Variants in ROBO1 observed in about 807,000 individuals in gnomAD.
ROBO1 encodes roundabout homolog 1.
In ROBO1, 149 loss-of-function variants were observed where a neutral mutation model predicts 195.9. The ratio of observed to expected loss-of-function variants is 0.76; its 90% CI spans 0.67 to 0.87. The LOEUF (loss-of-function observed/expected upper bound fraction) is 0.87, where lower values mean the gene tolerates loss of function less well. ROBO1 is among the 40% of genes least tolerant of loss of function. The probability of loss-of-function intolerance (pLI) is 0.00; values close to 1 mark genes in which losing one functional copy is unlikely to be tolerated. For synonymous variants in ROBO1, 816 were observed against 733.2 expected, an observed-to-expected ratio of 1.11 and a Z score of -1.82; for missense variants, 1,933 against 2,068.3, an observed-to-expected ratio of 0.93 and a Z score of 1.27.
rs566654036 is a variant in ROBO1, at chr3:79,336,182, C to A, written c.89-210643G>T. ...TTTTCTGGGGAGAAATTCAAGCCCA[C>A]TGCAGAAATTTGCATAAGTAATGAG... is the stretch of plus-strand genomic sequence containing the variant. On this transcript the variant is annotated intron_variant, in intron 2 of 30. Coordinates refer to ENST00000464233, the MANE Select transcript of ROBO1 (RefSeq NM_002941.4). 1.4e-3 allele frequency among the ~76,000 whole-genome samples: 211 copies of A among 152,338 alleles called. 1 individual carries two copies. The highest frequency in any genetic ancestry group is 4.9e-3 in the African/African-American group (203 of 41,570).
chr3:79,092,847 G>A (rs1360877939), intron 3 of ROBO1, among the ~76,000 whole-genome samples: 1 of 151,970 alleles, frequency 6.6e-6, no homozygotes, highest in Non-Finnish European at 1.5e-5. Context: ...TATCTGACCA[G>A]ATTATCTTAT....
intron 7 of ROBO1, among the ~76,000 whole-genome samples, chr3:78,715,695 C>G (rs2081885749): frequency 6.6e-6 from 1 of 152,072 alleles, no homozygotes; most frequent in South Asian, 2.1e-4. Flanking sequence ...TGCCACCATG[C>G]CCGGCTAATT....
At chr3:79,525,675 G>T (rs566680896) in intron 2 of ROBO1, among the ~76,000 whole-genome samples, 1 of 147,664 alleles carries the variant, frequency 6.8e-6, no homozygotes, top group African/African-American at 2.5e-5. Flanking sequence ...GTGTGATCTC[G>T]GCTCACTGCA....
At chr3:79,481,757 A>T (rs190400077) in intron 2 of ROBO1, among the ~76,000 whole-genome samples, 1 of 152,296 alleles carries the variant, frequency 6.6e-6, no homozygotes, top group East Asian at 1.9e-4. Context: ...TTTTAATCTT[A>T]GAGAAGCTGA....
chr3:79,333,075 C>T (rs1347712092), intron 2 of ROBO1, among the ~76,000 whole-genome samples: 3 of 151,770 alleles, frequency 2.0e-5, no homozygotes, highest in Admixed American at 1.3e-4. Flanking sequence ...GGGTAGCATG[C>T]GCCTGTAGTC....
chr3:79,133,113 A>G (rs1336135825), intron 2 of ROBO1, among the ~76,000 whole-genome samples: 5 of 1,774 alleles, frequency 2.8e-3, no homozygotes, highest in African/African-American at 0.01. Flanking sequence ...GGCTGCCCTT[A>G]ACATTTTTTC....
chr3:79,143,184 C>T (rs1479548256), intron 2 of ROBO1, among the ~76,000 whole-genome samples: 1 of 151,932 alleles, frequency 6.6e-6, no homozygotes, highest in Non-Finnish European at 1.5e-5. Flanking sequence ...AATGTTAAAC[C>T]TTTATTTTTG....
At chr3:78,622,714 TTC>T (rs1259100007) in intron 26 of ROBO1, among the ~76,000 whole-genome samples, 1 of 152,198 alleles carries the variant, frequency 6.6e-6, no homozygotes, top group Non-Finnish European at 1.5e-5. Context: ...TATGCACCAG[TTC>T]TAAATGTTAA....
At chr3:79,295,224 T>C (rs942422366) in intron 2 of ROBO1, among the ~76,000 whole-genome samples, 2 of 151,898 alleles carry the variant, frequency 1.3e-5, no homozygotes, top group African/African-American at 4.8e-5. Flanking sequence ...ATAGATTGGG[T>C]AAAGAAAATG....
chr3:79,011,237 C>T (rs1049547532), intron 3 of ROBO1, among the ~76,000 whole-genome samples: 1 of 152,064 alleles, frequency 6.6e-6, no homozygotes, highest in Non-Finnish European at 1.5e-5. Context: ...TTCAATAAAG[C>T]CTAAGTATAC....
At chr3:79,466,566 G>C (rs1050730275) in intron 2 of ROBO1, among the ~76,000 whole-genome samples, 1 of 151,944 alleles carries the variant, frequency 6.6e-6, no homozygotes, top group African/African-American at 2.4e-5. Context: ...TAAATCTAGA[G>C]GCAAGGAGCC....
At chr3:78,952,171 A>T (rs1355216498) in intron 3 of ROBO1, among the ~76,000 whole-genome samples, 1 of 151,410 alleles carries the variant, frequency 6.6e-6, no homozygotes, top group Non-Finnish European at 1.5e-5. Flanking sequence ...ACCTAAAATG[A>T]TTAAAGTATC....
intron 2 of ROBO1, among the ~76,000 whole-genome samples, chr3:79,588,444 G>A (rs1253267226): frequency 6.6e-6 from 1 of 151,510 alleles, no homozygotes; most frequent in Non-Finnish European, 1.5e-5. Context: ...TAAATTTGTT[G>A]ACCTGTAGGA....
intron 2 of ROBO1, among the ~76,000 whole-genome samples, chr3:79,290,337 C>G (rs1308540600): frequency 6.6e-6 from 1 of 151,876 alleles, no homozygotes; most frequent in Non-Finnish European, 1.5e-5. Context: ...TGGCCTACCT[C>G]CTTTTCATAT....
At chr3:78,949,749 C>T (rs1380395982) in intron 3 of ROBO1, among the ~76,000 whole-genome samples, 15 of 152,094 alleles carry the variant, frequency 9.9e-5, no homozygotes, top group Middle Eastern at 3.4e-3. Context: ...AGAAAATTTT[C>T]GCAACCTACT....
rs189719866 is a variant in ROBO1, at chr3:78,974,286, C to G, written c.173-35359G>C. ...AACAATGTCAAAGAGGGAGAGAGAA[C>G]GAAAGGGAAATTCCAGTGATTCAGA... On this transcript the variant is annotated intron_variant, in intron 3 of 30. Transcript: ENST00000464233. Among the ~76,000 whole-genome samples the G allele has an allele frequency of 7.0e-4, 105 of 150,294 alleles. 1 individual carries two copies. The highest frequency in any genetic ancestry group is 2.3e-3 in the African/African-American group (93 of 40,848).
chr3:78,825,660 G>A (rs138274727), intron 4 of ROBO1, among the ~76,000 whole-genome samples: 26 of 152,228 alleles, frequency 1.7e-4, no homozygotes, highest in East Asian at 7.7e-4. Context: ...GGCATAAGAC[G>A]TTTAACAGAA....
chr3:78,938,643 G>A lies in ROBO1; in HGVS notation c.457C>T (p.Leu153Phe), dbSNP rs2039952213. 1 of 1,613,714 alleles carries A rather than the reference G, an allele frequency of 6.2e-7. No homozygotes were observed. Among genetic ancestry groups the A allele is most frequent in the South Asian group, 1.1e-5 (1 of 91,068 alleles). ...GCATTGTGGCTCACAGCCTCTCCAA[G>A]GTAATTCCTTGCTACACAGACATAG... is the stretch of plus-strand genomic sequence containing the variant. Reference protein sequence around the residue: ...GVYVCVARNYLGEAVSHNASL... With the variant: ...GVYVCVARNYFGEAVSHNASL... Residue 153 changes from leucine to phenylalanine, a missense_variant, in exon 4 of 31, where the codon CTT becomes TTT. Physicochemically the swap from Leu to Phe is conservative, Grantham distance 22 (BLOSUM62 0). Transcript: ENST00000464233.
chr3:78,792,641 C>T (rs572685693), intron 4 of ROBO1, among the ~76,000 whole-genome samples: 185 of 152,238 alleles, frequency 1.2e-3, no homozygotes, highest in Non-Finnish European at 2.3e-3. Flanking sequence ...CCCACAGTCG[C>T]CTCACTTTCC....
Sources: gnomAD v4.1 joint callset for allele counts (sites outside exome capture counted in the v4.1 genomes callset) on GRCh38, gnomAD v4.1.1 for gene constraint, MANE v1.5 for transcripts, NCBI Gene and HGNC (gene_info 2026-07-23, HGNC 2026-07-21) for gene names.